Variants in AGPAT4 observed in about 807,000 individuals in gnomAD.
The protein encoded by AGPAT4 is 1-acylglycerol-3-phosphate O-acyltransferase 4, also known as 1-acyl-sn-glycerol-3-phosphate acyltransferase delta.
Under a neutral mutation model 48.0 loss-of-function variants are expected in AGPAT4, and 15 were observed. The observed-to-expected ratio is 0.31, with a 90% CI of 0.21 to 0.48. The LOEUF is 0.48. Ranked by LOEUF, AGPAT4 falls within the 20% of genes least tolerant of loss-of-function variation. The pLI, the probability that AGPAT4 is intolerant of heterozygous loss-of-function variation, is 0.99. For synonymous variants in AGPAT4, 178 were observed against 198.7 expected, an observed-to-expected ratio of 0.90 and a Z score of 0.88; for missense variants, 314 against 482.5, an observed-to-expected ratio of 0.65 and a Z score of 3.27.
rs1783283973 is a variant in AGPAT4, at chr6:161,266,942, T to C, written c.-90+6996A>G. Reference sequence around the variant, plus strand: ...TCTCCCATTCTCATTTCAGAGTTGATCTAAGATAAGCACTGGCAGGGTCTT... The same window carrying C: ...TCTCCCATTCTCATTTCAGAGTTGACCTAAGATAAGCACTGGCAGGGTCTT... On this transcript the variant is annotated intron_variant, in intron 1 of 8. Coordinates refer to ENST00000320285, the MANE Select transcript of AGPAT4 (RefSeq NM_020133.3). The surrounding 1 kb of genome is among the most constrained non-coding windows in gnomAD (Gnocchi z 6.2). Among the ~76,000 whole-genome samples the C allele has an allele frequency of 6.6e-6, 1 of 152,216 alleles. No homozygotes were observed. Among genetic ancestry groups the C allele is most frequent in the African/African-American group, 2.4e-5 (1 of 41,454 alleles).
intron 8 of AGPAT4, 89 bp from the exon 9 acceptor site, chr6:161,136,723 G>A (rs1275612271): frequency 1.3e-5 from 15 of 1,140,386 alleles, no homozygotes; most frequent in Middle Eastern, 2.0e-4. Context: ...GCCCGTGGCC[G>A]CAAATCACAA....
At position 161,136,440 on chromosome 6, in the gene AGPAT4, C is replaced by T; in HGVS notation, c.*100G>A. On this transcript the variant is annotated 3_prime_UTR_variant, in exon 9 of 9. Coordinates refer to ENST00000320285, the MANE Select transcript of AGPAT4 (RefSeq NM_020133.3). ...AGGTCGTGACTTCCGCCGTGCCCAG[C>T]AGGGGCTCACCCAGCCTTTGTCACC... 9.2e-7 allele frequency: 1 copy of T among 1,090,788 alleles called. No homozygotes were observed. The highest frequency in any genetic ancestry group is 1.4e-6 in the Non-Finnish European group (1 of 726,946). The allele number at this position is 1,090,788 out of a possible 1,614,324, so 67.6% of individuals were successfully genotyped here.
chr6:161,170,058 C>T (rs1257527368), intron 2 of AGPAT4, among the ~76,000 whole-genome samples: 1 of 152,186 alleles, frequency 6.6e-6, no homozygotes, highest in East Asian at 1.9e-4. Flanking sequence ...TTCTGCAGGA[C>T]ATCCACACCA....
intron 2 of AGPAT4, among the ~76,000 whole-genome samples, chr6:161,183,216 G>A (rs1310405519): frequency 1.3e-5 from 2 of 152,152 alleles, no homozygotes; most frequent in Non-Finnish European, 2.9e-5. Context: ...ACGTGCTGAT[G>A]TGGAGCCTGC....
At chr6:161,258,037 T>C (rs1310019554) in intron 1 of AGPAT4, among the ~76,000 whole-genome samples, 1 of 152,242 alleles carries the variant, frequency 6.6e-6, no homozygotes, top group African/African-American at 2.4e-5. Context: ...GATCATTTAT[T>C]ACTTCCTACG....
rs919458284 is a variant in AGPAT4, at chr6:161,206,259, T to C, written c.178+25777A>G. Among the ~76,000 whole-genome samples the C allele has an allele frequency of 4.6e-5, 7 of 152,118 alleles. No homozygotes were observed. Among genetic ancestry groups the C allele is most frequent in the Non-Finnish European group, 1.0e-4 (7 of 68,014 alleles). The stretch of plus-strand genomic sequence containing the variant: ...TGGGGGGCTGTAATTTCACATCCTC[T>C]ACCTGCTGGGTGACCGATGTCATAG... On this transcript the variant is annotated intron_variant, in intron 2 of 8. Transcript: ENST00000320285. The surrounding 1 kb of genome is among the most constrained non-coding windows in gnomAD (Gnocchi z 4.8).
Position 161,161,161 on chromosome 6 carries a change from C to G in AGPAT4, c.348+5087G>C, listed in dbSNP as rs1347346617. The G allele has an allele frequency of 4.4e-6, 2 of 456,606 alleles. No homozygotes were observed. The highest frequency in any genetic ancestry group is 8.8e-6 in the Non-Finnish European group (2 of 226,984). 28.3% of individuals were successfully genotyped at this position (456,606 alleles called of 1,614,324 possible). ...ACCCTGGCTTTATGAGCGGTGGGAT[C>G]AGACTCTGGCTTGTTAAAGACACTG... On this transcript the variant is annotated intron_variant, in intron 3 of 8. Transcript: ENST00000320285. The surrounding 1 kb of genome is among the most constrained non-coding windows in gnomAD (Gnocchi z 4.6).
At position 161,164,139 on chromosome 6, in the gene AGPAT4, C is replaced by T. The variant is rs1327729113; in HGVS notation, c.348+2109G>A. 6.6e-6 allele frequency among the ~76,000 whole-genome samples: 1 copy of T among 152,172 alleles called. No homozygotes were observed. Among genetic ancestry groups the T allele is most frequent in the Non-Finnish European group, 1.5e-5 (1 of 68,032 alleles). On this transcript the variant is annotated intron_variant, in intron 3 of 8. Coordinates refer to ENST00000320285, the MANE Select transcript of AGPAT4 (RefSeq NM_020133.3). This position sits in a 1 kb window ranked among gnomAD's most constrained non-coding sequence, Gnocchi z 7.4. ...CAGAGTTGTAAAGTGATCATGGATT[C>T]GGAAGCCTTTGGGAGCAAAACCCTA...
In AGPAT4 at chr6:161,132,645, T is replaced by C. The variant is rs535075170; in HGVS notation, c.*3895A>G. 3 of 152,404 alleles carry C rather than the reference T, an allele frequency of 2.0e-5. No homozygotes were observed. Among genetic ancestry groups the C allele is most frequent in the East Asian group, 3.9e-4 (2 of 5,192 alleles). 9.4% of individuals were successfully genotyped at this position (152,404 alleles called of 1,614,324 possible). On this transcript the variant is annotated 3_prime_UTR_variant, in exon 9 of 9. Transcript: ENST00000320285. ...GAAAGCATGGTGGAGTCCGAAAGCA[T>C]TGGCAAAGCCAGCACATCTGTGAGC...
At chr6:161,194,475 T>C (rs1211421685) in intron 2 of AGPAT4, among the ~76,000 whole-genome samples, 1 of 149,082 alleles carries the variant, frequency 6.7e-6, no homozygotes, top group Non-Finnish European at 1.5e-5. Flanking sequence ...TGTTAGAATA[T>C]GCGCATGTAT....
In AGPAT4 at chr6:161,244,259, C is replaced by G. The variant is rs1037597283; in HGVS notation, c.-89-11957G>C. 1.3e-5 allele frequency among the ~76,000 whole-genome samples: 2 copies of G among 152,170 alleles called. No individual in the cohort carries two copies. The highest frequency in any genetic ancestry group is 2.9e-5 in the Non-Finnish European group (2 of 68,028). ...GTGCCGTCTGCCTCCCGCAAAGAAG[C>G]AGGAAGTCTTCCGGGCAGGGGTGAG... On this transcript the variant is annotated intron_variant, in intron 1 of 8. Transcript: ENST00000320285. This position sits in a 1 kb window ranked among gnomAD's most constrained non-coding sequence, Gnocchi z 4.7.
rs191117524 is a variant in AGPAT4, at chr6:161,265,058, C to G, written c.-90+8880G>C. ...ATGGATGCTAGGAGGCAAATTAATA[C>G]TAGTGAGACCTGGTTGGTGGACTAG... On this transcript the variant is annotated intron_variant, in intron 1 of 8. Transcript: ENST00000320285. Among the ~76,000 whole-genome samples, 6 of 152,292 alleles carry G rather than the reference C, an allele frequency of 3.9e-5. No individual in the cohort carries two copies. In the East Asian group the frequency reaches 1.2e-3, roughly 29 times the overall value.
chr6:161,187,647 T>C (rs1430600664), intron 2 of AGPAT4, among the ~76,000 whole-genome samples: 1 of 151,858 alleles, frequency 6.6e-6, no homozygotes, highest in Non-Finnish European at 1.5e-5. Flanking sequence ...GCGTTCAAAT[T>C]CTCCTGCCTC....
Position 161,204,668 on chromosome 6 carries a change from T to C in AGPAT4, c.178+27368A>G, listed in dbSNP as rs1441378301. ...ATCAAAATTGATGTATGGTTGTTTG[T>C]CATCAGCAGCTGTTAAAAAAAAATG... On this transcript the variant is annotated intron_variant, in intron 2 of 8. Coordinates refer to ENST00000320285, the MANE Select transcript of AGPAT4 (RefSeq NM_020133.3). This position sits in a 1 kb window ranked among gnomAD's most constrained non-coding sequence, Gnocchi z 4.4. Among the ~76,000 whole-genome samples the C allele has an allele frequency of 6.6e-6, 1 of 152,008 alleles. No homozygotes were observed. The highest frequency in any genetic ancestry group is 1.5e-5 in the Non-Finnish European group (1 of 67,998).
At chr6:161,269,798 T>C (rs1200865652) in intron 1 of AGPAT4, among the ~76,000 whole-genome samples, 1 of 152,216 alleles carries the variant, frequency 6.6e-6, no homozygotes, top group East Asian at 1.9e-4. Flanking sequence ...ACACTATTTG[T>C]TGAATAAATG....
intron 2 of AGPAT4, among the ~76,000 whole-genome samples, chr6:161,210,549 A>C (rs1781494505): frequency 6.6e-6 from 1 of 152,230 alleles, no homozygotes; most frequent in Admixed American, 6.5e-5. Flanking sequence ...AAGAAAACTA[A>C]AGCACTTGAA....
rs1449144541 is a variant in AGPAT4 at position 161,144,954 on chromosome 6, C to G, written c.843+1570G>C. Among the ~76,000 whole-genome samples the G allele has an allele frequency of 2.0e-5, 3 of 151,590 alleles. No homozygotes were observed. The highest frequency in any genetic ancestry group is 4.4e-5 in the Non-Finnish European group (3 of 67,990). On this transcript the variant is annotated intron_variant, in intron 7 of 8. Transcript: ENST00000320285. This position sits in a 1 kb window ranked among gnomAD's most constrained non-coding sequence, Gnocchi z 6.6. ...CGAGATCGCGCCACTGCACTCCAGC[C>G]TGGGAGACAGAGTGAAACTCAGTCT...
chr6:161,191,892 A>G (rs532149471), intron 2 of AGPAT4, among the ~76,000 whole-genome samples: 11 of 152,264 alleles, frequency 7.2e-5, no homozygotes, highest in Non-Finnish European at 1.5e-4. Flanking sequence ...AGTCTTGAAC[A>G]AGTGATTTAA....
Position 161,148,605 on chromosome 6 carries a change from A to T in AGPAT4, c.767+582T>A, listed in dbSNP as rs1239559409. Among the ~76,000 whole-genome samples, 1 of 152,194 alleles carries T rather than the reference A, an allele frequency of 6.6e-6. No individual in the cohort carries two copies. The highest frequency in any genetic ancestry group is 1.5e-5 in the Non-Finnish European group (1 of 68,024). On this transcript the variant is annotated intron_variant, in intron 6 of 8. Transcript: ENST00000320285. The surrounding 1 kb of genome is among the most constrained non-coding windows in gnomAD (Gnocchi z 5.5). Reference sequence around the variant, plus strand: ...TCCCTGACCCGTCACACTGGGTTTTAATGCATGAACTGCCATTGTGTTTAC... The same window carrying T: ...TCCCTGACCCGTCACACTGGGTTTTTATGCATGAACTGCCATTGTGTTTAC...
Sources: allele counts gnomAD v4.1 joint callset (sites outside exome capture counted in the v4.1 genomes callset), GRCh38; gene constraint gnomAD v4.1.1; non-coding constraint Gnocchi (gnomAD v3.1); transcripts MANE v1.5; gene names NCBI Gene and HGNC (gene_info 2026-07-23, HGNC 2026-07-21).